GSE1: variants seen among roughly 807,000 people sequenced by gnomAD.
GSE1 encodes the protein Gse1 coiled-coil protein.
A neutral mutation model predicts 112.6 loss-of-function variants in GSE1; 32 were observed. The ratio of observed to expected loss-of-function variants is 0.28; its 90% CI spans 0.21 to 0.38. The LOEUF (loss-of-function observed/expected upper bound fraction) is 0.38. GSE1 is among the 10% of genes least tolerant of loss of function. GSE1 has a pLI of 1.00. For missense variants in GSE1, 2,348 were observed against 1,699.2 expected (o/e 1.38, Z -6.71); for synonymous variants, 1,115 against 735.6 (o/e 1.52, Z -8.35).
At chr16:85,541,948 G>T (rs1422092113) in intron 2 of GSE1, among the ~76,000 whole-genome samples, 1 of 152,226 alleles carries the variant, frequency 6.6e-6, no homozygotes, top group Non-Finnish European at 1.5e-5. Flanking sequence ...GTGAAGTTTG[G>T]AGATGTGTGG....
chr16:85,310,789 C>A (rs566560674), intron 1 of GSE1, among the ~76,000 whole-genome samples: 13 of 151,036 alleles, frequency 8.6e-5, no homozygotes, highest in East Asian at 5.9e-4. Context: ...GTCCCCCCCC[C>A]ACCCACCTCC....
At chr16:85,402,957 G>A (rs928394209) in intron 2 of GSE1, among the ~76,000 whole-genome samples, 2 of 151,668 alleles carry the variant, frequency 1.3e-5, no homozygotes, top group East Asian at 1.9e-4. Context: ...GGCTCCAGAC[G>A]CCATTTATTA....
chr16:85,251,487 G>C (rs1482496891), intron 1 of GSE1, among the ~76,000 whole-genome samples: 1 of 152,260 alleles, frequency 6.6e-6, no homozygotes, highest in Admixed American at 6.5e-5. Context: ...ACAGGCCGGA[G>C]GTCATCCAGC....
chr16:85,498,668 G>T (rs1431890819), intron 2 of GSE1, among the ~76,000 whole-genome samples: 1 of 152,238 alleles, frequency 6.6e-6, no homozygotes, highest in Non-Finnish European at 1.5e-5. Context: ...ACACTCACAC[G>T]TGTATGCACA....
chr16:85,664,766 GCGT>G (rs1453775999), intron 11 of GSE1: 12 of 420,994 alleles, frequency 2.9e-5, no homozygotes, highest in Non-Finnish European at 4.3e-5. Context: ...ATTCACAGAG[GCGT>G]CGTCACCGCA....
intron 1 of GSE1, among the ~76,000 whole-genome samples, chr16:85,566,568 C>T (rs1052891188): frequency 6.6e-6 from 1 of 152,210 alleles, no homozygotes; most frequent in African/African-American, 2.4e-5. Context: ...ACCTCCCCAA[C>T]CCCAGAAGAC....
chr16:85,609,397 C>G (rs1049632424), upstream of GSE1, among the ~76,000 whole-genome samples: 9 of 152,246 alleles, frequency 5.9e-5, no homozygotes, highest in African/African-American at 1.7e-4. Flanking sequence ...TCACACCCAG[C>G]TAACCCTGGC....
At chr16:85,634,939 C>T (rs761524209) in intron 2 of GSE1, among the ~76,000 whole-genome samples, 5 of 151,258 alleles carry the variant, frequency 3.3e-5, no homozygotes, top group Admixed American at 1.3e-4. Context: ...CCTCTGGACT[C>T]GCTGCTGACA....
intron 1 of GSE1, among the ~76,000 whole-genome samples, chr16:85,618,272 A>AC (rs1394107031): frequency 6.6e-6 from 1 of 151,688 alleles, no homozygotes. Flanking sequence ...CCTCACCCCC[A>AC]CCCCCATGTT....
chr16:85,528,612 C>G (rs1393234371), intron 2 of GSE1, among the ~76,000 whole-genome samples: 2 of 151,940 alleles, frequency 1.3e-5, no homozygotes, highest in Non-Finnish European at 2.9e-5. Flanking sequence ...CAGGCTGACC[C>G]ACTGCACCCA....
intron 1 of GSE1, among the ~76,000 whole-genome samples, chr16:85,624,097 G>A (rs1346363881): frequency 1.3e-5 from 2 of 152,172 alleles, no homozygotes; most frequent in African/African-American, 2.4e-5. Context: ...GTGAGCAAGC[G>A]TCTCAGCCTC....
rs889146659 is a variant in GSE1 at position 85,359,559 on chromosome 16, C to G, written c.2464+1916C>G. 4 of 365,580 alleles carry G rather than the reference C, an allele frequency of 1.1e-5. No individual in the cohort carries two copies. The Admixed American group carries it at 1.3e-4, about 12-fold the overall frequency. The allele number at this position is 365,580 out of a possible 1,614,324, so 22.6% of individuals were successfully genotyped here. ...GGTGTTGGTAGAGGTTTCGTGGCAA[C>G]CTCGTGAGCTGATGCTTGTAAGCTG... On this transcript the variant is annotated intron_variant, in intron 2 of 2. Transcript: ENST00000637419.
At chr16:85,268,219 AC>A (rs373257589) in intron 1 of GSE1, among the ~76,000 whole-genome samples, 1,589 of 125,928 alleles carry the variant, frequency 0.013, 26 homozygotes, top group African/African-American at 0.051. Flanking sequence ...AGGCCCTGGT[AC>A]TGGCACAAGG....
At chr16:85,609,099 G>A (rs116622422), upstream of GSE1, among the ~76,000 whole-genome samples, 259 of 152,340 alleles carry the variant, frequency 1.7e-3, 2 homozygotes, top group African/African-American at 5.7e-3. Context: ...ACCTGACGTG[G>A]CCCAGGTTGA....
intron 1 of GSE1, among the ~76,000 whole-genome samples, chr16:85,598,304 C>A (rs563650006): frequency 2.0e-4 from 31 of 152,042 alleles, no homozygotes; most frequent in African/African-American, 7.5e-4. Context: ...TGCCAGCACC[C>A]AGCTGCGCAG....
intron 1 of GSE1, among the ~76,000 whole-genome samples, chr16:85,284,336 AAG>A (rs956734458): frequency 3.9e-5 from 6 of 152,170 alleles, no homozygotes; most frequent in African/African-American, 1.2e-4. Flanking sequence ...GGCCGAGGGA[AAG>A]AGAGAGAGGT....
chr16:85,431,781 C>A (rs542384939), intron 2 of GSE1, among the ~76,000 whole-genome samples: 1 of 152,372 alleles, frequency 6.6e-6, no homozygotes, highest in Admixed American at 6.5e-5. Flanking sequence ...GGCCCCCCAG[C>A]CACCCACGCA....
intron 1 of GSE1, among the ~76,000 whole-genome samples, chr16:85,281,993 C>T (rs115759173): frequency 1.1e-3 from 170 of 152,068 alleles, no homozygotes; most frequent in African/African-American, 3.9e-3. Flanking sequence ...CCGGGTGCCA[C>T]AGCCGGGGTT....
chr16:85,411,210 G>GC (rs201226521), intron 2 of GSE1, among the ~76,000 whole-genome samples: 7 of 14,040 alleles, frequency 5.0e-4, no homozygotes, highest in East Asian at 1.9e-3. Flanking sequence ...TACACTCAGG[G>GC]CCCCCGGATA....
Sources: allele counts gnomAD v4.1 joint callset (sites outside exome capture counted in the v4.1 genomes callset), GRCh38; gene constraint gnomAD v4.1.1; transcripts MANE v1.5; gene names NCBI Gene and HGNC (gene_info 2026-07-23, HGNC 2026-07-21).